The following MAST2 variants were observed in gnomAD, a reference collection of about 807,000 sequenced individuals.
MAST2 encodes the protein microtubule associated serine/threonine kinase 2.
Under a neutral mutation model 147.4 loss-of-function variants are expected in MAST2, and 70 were observed. The ratio of observed to expected loss-of-function variants is 0.47; its 90% CI spans 0.39 to 0.58. The LOEUF is 0.58. Among genes scored for constraint, MAST2 ranks in the 20% least tolerant of loss-of-function variants. MAST2 has a pLI of 0.00. For missense variants in MAST2, 2,080 were observed against 2,302.3 expected (o/e 0.90, Z 1.98); for synonymous variants, 869 against 896.8 (o/e 0.97, Z 0.55).
At chr1:45,838,626 T>C (rs1331497054) in intron 3 of MAST2, among the ~76,000 whole-genome samples, 1 of 152,224 alleles carries the variant, frequency 6.6e-6, no homozygotes, top group East Asian at 1.9e-4. Flanking sequence ...GGAATCTTCG[T>C]ATATTCTGAA....
chr1:46,009,622 C>G (rs978923249), intron 9 of MAST2, among the ~76,000 whole-genome samples: 1 of 152,182 alleles, frequency 6.6e-6, no homozygotes. Context: ...GCTTGTCCTC[C>G]TCCTCCTTGT....
chr1:45,987,807 G>GTTTTTTTT (rs1644707419), intron 5 of MAST2, among the ~76,000 whole-genome samples: 1 of 33,892 alleles, frequency 3.0e-5, no homozygotes, highest in African/African-American at 1.2e-4. Flanking sequence ...TTTTTGGTTT[G>GTTTTTTTT]GTGTTTTTTG....
chr1:45,939,222 G>C (rs971228188), intron 4 of MAST2, among the ~76,000 whole-genome samples: 1 of 151,990 alleles, frequency 6.6e-6, no homozygotes, highest in African/African-American at 2.4e-5. Flanking sequence ...TCAAATGTGT[G>C]TGTGTGACTG....
Position 46,034,778 on chromosome 1 carries a change from T to TATAC in MAST2, c.4110_4111insTACA (p.Ala1371TyrfsTer40). 6.2e-7 allele frequency: 1 copy of TATAC among 1,613,920 alleles called. No individual in the cohort carries two copies. The highest frequency in any genetic ancestry group is 8.5e-7 in the Non-Finnish European group (1 of 1,180,012). The stretch of plus-strand genomic sequence containing the variant: ...TCCCCATCGCCCCTGTCTGGCCATG[T>TATAC]AGCCCAGGCCTTTCCCACAAAGCTT... On this transcript the variant is annotated frameshift_variant, in exon 29 of 29. Coordinates refer to ENST00000361297, the MANE Select transcript of MAST2 (RefSeq NM_015112.3). LOFTEE classifies it low-confidence loss of function (END_TRUNC).
chr1:46,031,199 G>T lies in MAST2; in HGVS notation c.2901G>T (p.Glu967Asp). 6.4e-7 allele frequency: 1 copy of T among 1,565,894 alleles called. No homozygotes were observed. The highest frequency in any genetic ancestry group is 1.2e-5 in the South Asian group (1 of 85,026). The change falls in exon 23 of 29, where the codon GAG (glutamate) becomes GAT (aspartate). Residue 967 changes from glutamate (E) to aspartate (D), a missense_variant. Glu to Asp is a conservative substitution (Grantham distance 45). Around this residue, in one of 4 missense-constraint regions of MAST2, gnomAD observed 1,278 missense variants for 1,304.2 expected, o/e 0.98. Coordinates refer to ENST00000361297, the MANE Select transcript of MAST2 (RefSeq NM_015112.3). This position sits in a 1 kb window ranked among gnomAD's most constrained non-coding sequence, Gnocchi z 4.1. ...GGGTCCTGACACCCCCATCTGGAGA[G>T]GGGGTATCTGGGCCTGTCACTGAAC... is the stretch of plus-strand genomic sequence containing the variant. ...GIWVLTPPSG[E>D]GVSGPVTEHS...
intron 4 of MAST2, among the ~76,000 whole-genome samples, chr1:45,903,114 A>T (rs1477878642): frequency 1.5e-5 from 2 of 134,972 alleles, no homozygotes; most frequent in South Asian, 4.8e-4. Flanking sequence ...ATTTAGCACT[A>T]TAAATTTTTG....
At chr1:46,029,414 T>G in intron 18 of MAST2, 52 bp from the exon 19 acceptor site, 1 of 1,469,868 alleles carries the variant, frequency 6.8e-7, no homozygotes, top group African/African-American at 1.4e-5. Context: ...CTTCTGCATC[T>G]CTCCACTCTA....
intron 7 of MAST2, among the ~76,000 whole-genome samples, chr1:46,004,261 G>T (rs1645393439): frequency 6.6e-6 from 1 of 151,576 alleles, no homozygotes; most frequent in Admixed American, 6.6e-5. Flanking sequence ...CGTCTCAGGA[G>T]GCTGAGGCAG....
intron 4 of MAST2, among the ~76,000 whole-genome samples, chr1:45,943,743 T>C: frequency 6.6e-6 from 1 of 151,654 alleles, no homozygotes; most frequent in Non-Finnish European, 1.5e-5. Flanking sequence ...CAAAACTCTG[T>C]CTCAAAAAAT....
chr1:45,865,532 T>C (rs1020264356), intron 3 of MAST2, among the ~76,000 whole-genome samples: 1 of 152,294 alleles, frequency 6.6e-6, no homozygotes, highest in East Asian at 1.9e-4. Flanking sequence ...CTTGATTCTA[T>C]GCATAGTTTT....
At chr1:46,008,757 C>T (rs1286457521) in intron 9 of MAST2, among the ~76,000 whole-genome samples, 1 of 152,136 alleles carries the variant, frequency 6.6e-6, no homozygotes, top group Non-Finnish European at 1.5e-5. Flanking sequence ...CAGGATTTGC[C>T]CTCTGGTGGC....
At chr1:46,034,461 T>C (rs1446947922) in intron 28 of MAST2, 77 bp from the exon 29 acceptor site, 9 of 1,457,776 alleles carry the variant, frequency 6.2e-6, no homozygotes, top group African/African-American at 5.6e-5. Context: ...GGCTAAGCCC[T>C]GTCTTGCCCT....
intron 9 of MAST2, 93 bp from the exon 10 acceptor site, chr1:46,010,637 G>T: frequency 1.9e-6 from 2 of 1,028,458 alleles, no homozygotes; most frequent in Non-Finnish European, 2.9e-6. Flanking sequence ...ATCAGAGGGA[G>T]CCCATTATTT....
chr1:45,824,998 A>G (rs1464243603), intron 2 of MAST2, among the ~76,000 whole-genome samples: 1 of 152,224 alleles, frequency 6.6e-6, no homozygotes, highest in Non-Finnish European at 1.5e-5. Flanking sequence ...AAAGGAAGCA[A>G]TTACATTGTA....
At chr1:46,030,801 A>G (rs1332565513) in intron 22 of MAST2, 40 bp downstream of exon 22, 14 of 1,528,958 alleles carry the variant, frequency 9.2e-6, no homozygotes, top group African/African-American at 1.4e-5. Flanking sequence ...CGACACAGCT[A>G]TCCCTGCATT....
rs3934544 is a variant in MAST2 at position 46,005,023 on chromosome 1, C to T, written c.748-1218C>T. Among the ~76,000 whole-genome samples the T allele has an allele frequency of 2.5e-3, 382 of 152,208 alleles. 4 individuals are homozygous for T. The highest frequency in any genetic ancestry group is 0.019 in the Admixed American group (287 of 15,290). The stretch of plus-strand genomic sequence containing the variant: ...TTGAGGCAGCAGTGAGCTATGATAA[C>T]GCCACTGCACTCCAGCCAGGACAAC... On this transcript the variant is annotated intron_variant, in intron 7 of 28. Transcript: ENST00000361297.
At chr1:45,987,777 ATTTTTTTTTTT>A in intron 5 of MAST2, among the ~76,000 whole-genome samples, 2 of 21,778 alleles carry the variant, frequency 9.2e-5, no homozygotes, top group Non-Finnish European at 7.5e-5. Context: ...TTTTTTTTTG[ATTTTTTTTTTT>A]TTTTTTTTTT....
intron 3 of MAST2, among the ~76,000 whole-genome samples, chr1:45,830,358 A>G (rs1644918990): frequency 6.6e-6 from 1 of 151,486 alleles, no homozygotes; most frequent in South Asian, 2.1e-4. Context: ...TGTTTTTAGT[A>G]GAGATGGGGT....
At chr1:45,896,147 C>A (rs2148441625) in intron 4 of MAST2, among the ~76,000 whole-genome samples, 1 of 152,010 alleles carries the variant, frequency 6.6e-6, no homozygotes. Flanking sequence ...CATGCCTCAG[C>A]CTCCCGAGTA....
Sources: allele counts gnomAD v4.1 joint callset (sites outside exome capture counted in the v4.1 genomes callset), GRCh38; gene constraint gnomAD v4.1.1; regional missense constraint gnomAD v4.1.1; non-coding constraint Gnocchi (gnomAD v3.1); transcripts MANE v1.5; gene names NCBI Gene and HGNC (gene_info 2026-07-23, HGNC 2026-07-21).